The following XPO4 variants were observed in gnomAD, a reference collection of about 807,000 sequenced individuals.
XPO4 encodes the protein exportin 4.
In XPO4, 39 loss-of-function variants were observed where a neutral mutation model predicts 143.0. The observed-to-expected ratio is 0.27, with a 90% CI of 0.21 to 0.36. The LOEUF (loss-of-function observed/expected upper bound fraction) is 0.36, where lower values mean the gene tolerates loss of function less well. Ranked by LOEUF, XPO4 falls within the 10% of genes least tolerant of loss-of-function variation. The pLI is 1.00. For missense variants in XPO4, 907 were observed against 1,348.0 expected, an observed-to-expected ratio of 0.67 and a Z score of 5.12; for synonymous variants, 439 against 474.0, an observed-to-expected ratio of 0.93 and a Z score of 0.96.
intron 1 of XPO4, among the ~76,000 whole-genome samples, chr13:20,885,805 AT>A (rs374451376): frequency 3.8e-5 from 5 of 133,040 alleles, no homozygotes; most frequent in Non-Finnish European, 7.9e-5. Context: ...CAATGAAAAA[AT>A]AAAATAAGTT....
intron 4 of XPO4, among the ~76,000 whole-genome samples, chr13:20,853,310 G>A (rs761241872): frequency 1.5e-4 from 21 of 135,628 alleles, no homozygotes; most frequent in African/African-American, 2.3e-4. Flanking sequence ...CACAGACTGT[G>A]CAACAGAGCA....
intron 19 of XPO4, 94 bp from the exon 20 acceptor site, chr13:20,788,710 A>C: frequency 8.2e-7 from 1 of 1,214,540 alleles, no homozygotes; most frequent in South Asian, 1.7e-5. Flanking sequence ...CAAGCTTCTA[A>C]ATATAATGAT....
intron 6 of XPO4, among the ~76,000 whole-genome samples, chr13:20,839,862 A>G (rs1315235361): frequency 6.6e-6 from 1 of 152,136 alleles, no homozygotes; most frequent in African/African-American, 2.4e-5. Flanking sequence ...GCACACCTAT[A>G]ATCCCAGCTA....
At chr13:20,832,827 T>C (rs1004780971) in intron 6 of XPO4, among the ~76,000 whole-genome samples, 2 of 152,178 alleles carry the variant, frequency 1.3e-5, no homozygotes, top group Non-Finnish European at 2.9e-5. Flanking sequence ...TAGTAAAGGT[T>C]GGCTTTACTG....
At chr13:20,865,263 C>T in intron 2 of XPO4, 1 of 159,696 alleles carries the variant, frequency 6.3e-6, no homozygotes, top group Non-Finnish European at 1.3e-5. Flanking sequence ...CTCAGCCTCC[C>T]GAGTAGCTGG....
chr13:20,858,922 GTATATA>G lies in XPO4; in HGVS notation c.318-3163_318-3158del, dbSNP rs59921874. Among the ~76,000 whole-genome samples, 484 of 148,786 alleles carry G rather than the reference GTATATA, an allele frequency of 3.3e-3. 2 individuals are homozygous for G. The highest frequency in any genetic ancestry group is 0.01 in the African/African-American group (412 of 40,540). ...AAAATATATATATATATGTGTGTGT[GTATATA>G]TATATATATATATATATATATGTGA... On this transcript the variant is annotated intron_variant, in intron 3 of 22. Coordinates refer to ENST00000255305, the MANE Select transcript of XPO4 (RefSeq NM_022459.5).
At chr13:20,816,991 T>C (rs1218733559) in intron 9 of XPO4, among the ~76,000 whole-genome samples, 1 of 152,100 alleles carries the variant, frequency 6.6e-6, no homozygotes, top group African/African-American at 2.4e-5. Flanking sequence ...GCTTGATGGG[T>C]GGGGGGCGCT....
chr13:20,848,445 T>C, intron 4 of XPO4: 1 of 985,404 alleles, frequency 1.0e-6, no homozygotes, highest in Non-Finnish European at 1.2e-6. Flanking sequence ...ATTTGCATAA[T>C]TGTCCTAAGG....
At chr13:20,792,947 C>T (rs1207677610) in intron 18 of XPO4, among the ~76,000 whole-genome samples, 1 of 151,610 alleles carries the variant, frequency 6.6e-6, no homozygotes, top group African/African-American at 2.4e-5. Context: ...ACCACCATGC[C>T]CGGCTAATTT....
At chr13:20,826,492 A>C (rs2059787482) in intron 7 of XPO4, among the ~76,000 whole-genome samples, 2 of 152,340 alleles carry the variant, frequency 1.3e-5, no homozygotes, top group South Asian at 4.1e-4. Context: ...ACTGTCACAC[A>C]GGTAAAAAGT....
intron 1 of XPO4, among the ~76,000 whole-genome samples, chr13:20,895,040 T>C (rs537722927): frequency 1.5e-4 from 23 of 151,872 alleles, no homozygotes; most frequent in African/African-American, 5.3e-4. Context: ...TAGCCAGGCA[T>C]GGTGGCGTGC....
intron 1 of XPO4, among the ~76,000 whole-genome samples, chr13:20,884,943 T>C (rs971358481): frequency 6.6e-6 from 1 of 151,920 alleles, no homozygotes; most frequent in African/African-American, 2.4e-5. Flanking sequence ...AAAGAGAGGT[T>C]TTTTTGGTTT....
At chr13:20,795,007 TA>T (rs5802088) in intron 18 of XPO4, among the ~76,000 whole-genome samples, 4,741 of 134,440 alleles carry the variant, frequency 0.035, 236 homozygotes, top group African/African-American at 0.12. Flanking sequence ...CCCAAGAATT[TA>T]AAAAAAAAAA....
chr13:20,822,880 T>C (rs1320755336), intron 7 of XPO4, among the ~76,000 whole-genome samples: 1 of 152,234 alleles, frequency 6.6e-6, no homozygotes, highest in Non-Finnish European at 1.5e-5. Flanking sequence ...TAAAAGATTT[T>C]GAATACCAAA....
chr13:20,821,184 A>G lies in XPO4; in HGVS notation c.1173+520T>C, dbSNP rs2059715280. Among the ~76,000 whole-genome samples the G allele has an allele frequency of 2.6e-5, 4 of 152,166 alleles. No individual in the cohort carries two copies. The South Asian group carries it at 8.3e-4, about 31-fold the overall frequency. On this transcript the variant is annotated intron_variant, in intron 9 of 22. Coordinates refer to ENST00000255305, the MANE Select transcript of XPO4 (RefSeq NM_022459.5). ...AATGTAAATTAAATTCTACCAGGAT[A>G]CACTATTAAAGCATTATCATCCAAA...
intron 1 of XPO4, among the ~76,000 whole-genome samples, chr13:20,899,512 T>C (rs930470407): frequency 6.6e-6 from 1 of 152,162 alleles, no homozygotes; most frequent in African/African-American, 2.4e-5. Flanking sequence ...ATGCTTAGAC[T>C]TGATTCTTAT....
chr13:20,805,701 A>T (rs2059495749), intron 13 of XPO4, among the ~76,000 whole-genome samples: 1 of 152,194 alleles, frequency 6.6e-6, no homozygotes. Context: ...TAATTTACTT[A>T]TTTATTCTCT....
intron 13 of XPO4, among the ~76,000 whole-genome samples, chr13:20,801,770 GAAAAGGATTCTAATCACTCA>G (rs2059436492): frequency 6.6e-6 from 1 of 152,190 alleles, no homozygotes; most frequent in Non-Finnish European, 1.5e-5. Context: ...TCAGTGCTGA[GAAAAGGATTCTAATCACTCA>G]AATTCGGCTT....
intron 13 of XPO4, among the ~76,000 whole-genome samples, chr13:20,806,674 T>TC (rs1292722457): frequency 6.8e-6 from 1 of 147,502 alleles, no homozygotes; most frequent in Non-Finnish European, 1.5e-5. Flanking sequence ...TGCTTCAGCC[T>TC]CCCGAGTAGC....
Sources: gnomAD v4.1 joint callset for allele counts (sites outside exome capture counted in the v4.1 genomes callset) on GRCh38, gnomAD v4.1.1 for gene constraint, MANE v1.5 for transcripts, NCBI Gene and HGNC (gene_info 2026-07-23, HGNC 2026-07-21) for gene names.